The following MIGA1 variants were observed in gnomAD, a reference collection of about 807,000 sequenced individuals.
MIGA1 encodes the protein mitoguardin 1.
In MIGA1, 58 loss-of-function variants were observed where a neutral mutation model predicts 82.0. That is an observed-to-expected ratio of 0.71 (90% CI 0.57 to 0.88). The LOEUF (loss-of-function observed/expected upper bound fraction) is 0.88, where lower values mean the gene tolerates loss of function less well. Among genes scored for constraint, MIGA1 ranks in the 40% least tolerant of loss-of-function variants. The pLI, the probability that MIGA1 is intolerant of heterozygous loss-of-function variation, is 0.00. For synonymous variants in MIGA1, 249 were observed against 253.6 expected, an observed-to-expected ratio of 0.98 and a Z score of 0.17; for missense variants, 751 against 749.1, an observed-to-expected ratio of 1.00 and a Z score of -0.03.
At chr1:77,866,186 A>T (rs921768821) in intron 13 of MIGA1, 152 bp from the exon 14 acceptor site, 3 of 637,594 alleles carry the variant, frequency 4.7e-6, no homozygotes, top group Non-Finnish European at 8.0e-6. Context: ...AAGTGCTGGG[A>T]TTACAGATGT....
At chr1:77,824,983 CTTTTTTTT>C (rs11375207) in intron 7 of MIGA1, among the ~76,000 whole-genome samples, 1 of 103,148 alleles carries the variant, frequency 9.7e-6, no homozygotes, top group Non-Finnish European at 1.9e-5. Context: ...TTCTATTCCT[CTTTTTTTT>C]TTTTTTTTTT....
chr1:77,821,070 G>A (rs1348992073), intron 7 of MIGA1, among the ~76,000 whole-genome samples: 1 of 152,052 alleles, frequency 6.6e-6, no homozygotes, highest in Non-Finnish European at 1.5e-5. Flanking sequence ...GGAGGTGGAG[G>A]TTGCAGGGAG....
chr1:77,852,638 A>G (rs918147093), intron 8 of MIGA1, among the ~76,000 whole-genome samples: 5 of 152,148 alleles, frequency 3.3e-5, no homozygotes, highest in Admixed American at 3.3e-4. Flanking sequence ...GATTCTGGGT[A>G]AGTTCCTGCT....
At position 77,873,082 on chromosome 1, in the gene MIGA1, C is replaced by G. The variant is rs754648195; in HGVS notation, c.1642C>G (p.Pro548Ala). 81 of 1,613,476 alleles carry G rather than the reference C, an allele frequency of 5.0e-5. No homozygotes were observed. Among genetic ancestry groups the G allele is most frequent in the Non-Finnish European group, 6.6e-5 (78 of 1,179,684 alleles). The stretch of plus-strand genomic sequence containing the variant: ...TGTCCTAGCCTGGGGCTTTTTGGGT[C>G]CTAGAAATTCTCTGTATGATTTATG... The change falls in exon 15 of 16, where the codon CCT (proline) becomes GCT (alanine). Residue 548 changes from proline (P) to alanine (A), a missense_variant. By Grantham distance (27) the Pro-to-Ala change is conservative. Coordinates refer to ENST00000370791, the MANE Select transcript of MIGA1 (RefSeq NM_198549.4).
intron 2 of MIGA1, among the ~76,000 whole-genome samples, chr1:77,797,106 A>T (rs1053401660): frequency 6.6e-6 from 1 of 152,088 alleles, no homozygotes. Context: ...ATTCATCCAC[A>T]TTGTTGTTTG....
At chr1:77,786,321 C>T (rs1682160373) in intron 2 of MIGA1, among the ~76,000 whole-genome samples, 1 of 152,218 alleles carries the variant, frequency 6.6e-6, no homozygotes, top group South Asian at 2.1e-4. Context: ...CCGTGAAGAC[C>T]TCTGACATGC....
At chr1:77,791,645 C>G (rs1209543204) in intron 2 of MIGA1, among the ~76,000 whole-genome samples, 1 of 149,520 alleles carries the variant, frequency 6.7e-6, no homozygotes, top group African/African-American at 2.5e-5. Flanking sequence ...CTCATTGCAA[C>G]CTCAGTCTCC....
At chr1:77,795,064 A>G (rs570150251) in intron 2 of MIGA1, among the ~76,000 whole-genome samples, 1 of 151,128 alleles carries the variant, frequency 6.6e-6, no homozygotes, top group African/African-American at 2.4e-5. Context: ...CCCGGGTTCA[A>G]GCAATTCTCC....
Position 77,791,006 on chromosome 1 carries a change from T to C in MIGA1, c.195+7655T>C, listed in dbSNP as rs555994499. ...GTTTATTCCTGTAATCCCAGCACTT[T>C]GGCTGGCAGGAGGATTGCTTGAGAC... On this transcript the variant is annotated intron_variant, in intron 2 of 15. Coordinates refer to ENST00000370791, the MANE Select transcript of MIGA1 (RefSeq NM_198549.4). 8.5e-5 allele frequency among the ~76,000 whole-genome samples: 13 copies of C among 152,222 alleles called. No homozygotes were observed. In the East Asian group the frequency reaches 2.5e-3, roughly 29 times the overall value.
chr1:77,790,532 C>T (rs1028318326), intron 2 of MIGA1, among the ~76,000 whole-genome samples: 3 of 151,854 alleles, frequency 2.0e-5, no homozygotes, highest in Non-Finnish European at 1.5e-5. Flanking sequence ...TCCCAAAGTG[C>T]TGGGATTACA....
intron 7 of MIGA1, among the ~76,000 whole-genome samples, chr1:77,840,513 T>G (rs989867694): frequency 2.6e-5 from 4 of 152,132 alleles, no homozygotes; most frequent in Admixed American, 2.0e-4. Context: ...GTAAATTTAA[T>G]CCCACTCTCG....
intron 1 of MIGA1, chr1:77,780,176 G>C: frequency 1.0e-6 from 1 of 988,836 alleles, no homozygotes; most frequent in Non-Finnish European, 1.2e-6. Context: ...GTGGGGTCGG[G>C]GGAGAGCGCG....
At chr1:77,834,576 G>T in intron 7 of MIGA1, among the ~76,000 whole-genome samples, 1 of 152,192 alleles carries the variant, frequency 6.6e-6, no homozygotes. Flanking sequence ...AACTGTCTTA[G>T]TTTTTCACTT....
At chr1:77,827,582 A>G (rs779650905) in intron 7 of MIGA1, among the ~76,000 whole-genome samples, 1 of 152,180 alleles carries the variant, frequency 6.6e-6, no homozygotes, top group Non-Finnish European at 1.5e-5. Context: ...CCTGCCTTAC[A>G]ATTTCTGCCA....
chr1:77,871,493 C>A (rs1483623215), intron 14 of MIGA1, among the ~76,000 whole-genome samples: 1 of 151,434 alleles, frequency 6.6e-6, no homozygotes, highest in Admixed American at 6.6e-5. Flanking sequence ...CAGAGTGAGA[C>A]TCCGTCTCAG....
chr1:77,843,241 T>C lies in MIGA1; in HGVS notation c.896-66T>C, dbSNP rs959149357. ...TGGGGGAAAAATCAAAATCAAACTA[T>C]GGAATGTGAAATACCACAATGATGT... On this transcript the variant is annotated intron_variant, in intron 7 of 15. Coordinates refer to ENST00000370791, the MANE Select transcript of MIGA1 (RefSeq NM_198549.4). The C allele has an allele frequency of 9.5e-6, 11 of 1,157,578 alleles. No homozygotes were observed. The Admixed American group carries it at 1.2e-4, about 13-fold the overall frequency. 71.7% of individuals were successfully genotyped at this position (1,157,578 alleles called of 1,614,324 possible).
chr1:77,794,485 T>C (rs1158641775), intron 2 of MIGA1, among the ~76,000 whole-genome samples: 1 of 152,214 alleles, frequency 6.6e-6, no homozygotes, highest in Non-Finnish European at 1.5e-5. Context: ...TCTTATGTTT[T>C]CTCAGGGTTG....
rs74092311 is a variant in MIGA1 at position 77,851,448 on chromosome 1, C to T, written c.997-7490C>T. Among the ~76,000 whole-genome samples the T allele has an allele frequency of 1.9e-3, 283 of 152,218 alleles. 1 individual carries two copies. Among genetic ancestry groups the T allele is most frequent in the African/African-American group, 6.1e-3 (254 of 41,544 alleles). On this transcript the variant is annotated intron_variant, in intron 8 of 15. Coordinates refer to ENST00000370791, the MANE Select transcript of MIGA1 (RefSeq NM_198549.4). ...TTGACCGCTGCTTCTGAAATAACTTCTCAGCTCTATTTAAATGTTAATTTT... is the reference window on the plus strand; with the variant it reads ...TTGACCGCTGCTTCTGAAATAACTTTTCAGCTCTATTTAAATGTTAATTTT...
rs769188049 is a variant in MIGA1 at position 77,863,978 on chromosome 1, A to G, written c.1459A>G (p.Ile487Val). Residue 487 changes from isoleucine (I) to valine (V), a missense_variant, in exon 13 of 16, where the codon ATA becomes GTA. By Grantham distance (29) the Ile-to-Val change is conservative. This residue lies in a region of MIGA1 where 265 missense variants were observed against 293.6 expected (regional missense o/e 0.90). Transcript: ENST00000370791. ...AGATTTGGAAAACCCACCCACATCC[A>G]TACAGAATGTAGTAAATAATCGATG... is the stretch of plus-strand genomic sequence containing the variant. 11 of 1,608,752 alleles carry G rather than the reference A, an allele frequency of 6.8e-6. No individual in the cohort carries two copies. Among genetic ancestry groups the G allele is most frequent in the Non-Finnish European group, 9.3e-6 (11 of 1,178,792 alleles).
Sources: gnomAD v4.1 joint callset for allele counts (sites outside exome capture counted in the v4.1 genomes callset) on GRCh38, gnomAD v4.1.1 for gene constraint, gnomAD v4.1.1 regional missense constraint, MANE v1.5 for transcripts, NCBI Gene and HGNC (gene_info 2026-07-23, HGNC 2026-07-21) for gene names.